KIAA1328: variants seen among roughly 807,000 people sequenced by gnomAD.
The protein encoded by KIAA1328 is protein hinderin.
KIAA1328 carries 52 observed loss-of-function variants against 68.1 expected under a neutral mutation model. The ratio of observed to expected loss-of-function variants is 0.76; its 90% CI spans 0.61 to 0.96. The LOEUF is 0.96. Among genes scored for constraint, KIAA1328 ranks in the 40% least tolerant of loss-of-function variants. The probability of loss-of-function intolerance (pLI) is 0.00; values close to 1 mark genes in which losing one functional copy is unlikely to be tolerated. For missense variants in KIAA1328, 641 were observed against 677.6 expected, an observed-to-expected ratio of 0.95 and a Z score of 0.60; for synonymous variants, 232 against 239.4, an observed-to-expected ratio of 0.97 and a Z score of 0.28.
chr18:37,103,450 T>C (rs1423886601), intron 7 of KIAA1328, among the ~76,000 whole-genome samples: 1 of 152,136 alleles, frequency 6.6e-6, no homozygotes, highest in Non-Finnish European at 1.5e-5. Flanking sequence ...TGGATATCCG[T>C]ATGCGTATGA....
chr18:37,052,871 A>T (rs2055755027), intron 6 of KIAA1328, among the ~76,000 whole-genome samples: 1 of 152,218 alleles, frequency 6.6e-6, no homozygotes, highest in South Asian at 2.1e-4. Context: ...AAAGCATCCC[A>T]TGCTCATTAA....
intron 7 of KIAA1328, among the ~76,000 whole-genome samples, chr18:37,080,779 GA>G (rs768469176): frequency 1.1e-3 from 147 of 131,116 alleles, no homozygotes; most frequent in Admixed American, 1.2e-3. Context: ...GACTCTGTCT[GA>G]AAAAAAAAAA....
At chr18:36,978,256 A>G (rs550918229) in intron 6 of KIAA1328, among the ~76,000 whole-genome samples, 1 of 152,250 alleles carries the variant, frequency 6.6e-6, no homozygotes, top group East Asian at 1.9e-4. Context: ...CTCACTGGAG[A>G]CTCAGAACCT....
intron 9 of KIAA1328, among the ~76,000 whole-genome samples, chr18:37,175,633 A>C (rs1244105481): frequency 1.3e-5 from 2 of 152,206 alleles, no homozygotes; most frequent in Non-Finnish European, 2.9e-5. Context: ...ATCAGTTACC[A>C]AGAAGGCATA....
intron 4 of KIAA1328, among the ~76,000 whole-genome samples, chr18:36,862,195 A>G (rs764397699): frequency 2.0e-5 from 3 of 152,006 alleles, no homozygotes; most frequent in African/African-American, 7.3e-5. Flanking sequence ...GAATCCATCA[A>G]TTGTGTACAG....
chr18:36,959,195 C>T, intron 5 of KIAA1328, 113 bp from the exon 6 acceptor site: 1 of 1,017,290 alleles, frequency 9.8e-7, no homozygotes, highest in Non-Finnish European at 1.4e-6. Flanking sequence ...TGACTCTCGC[C>T]AAATATGATT....
chr18:37,027,658 T>G (rs556044386), intron 6 of KIAA1328, among the ~76,000 whole-genome samples: 1 of 152,344 alleles, frequency 6.6e-6, no homozygotes, highest in East Asian at 1.9e-4. Context: ...GAAAACTGGC[T>G]AGCCATATGT....
intron 7 of KIAA1328, among the ~76,000 whole-genome samples, chr18:37,110,636 A>C (rs1392472074): frequency 6.6e-6 from 1 of 152,250 alleles, no homozygotes; most frequent in African/African-American, 2.4e-5. Context: ...ATGAACAAAC[A>C]AACACAAAAA....
intron 7 of KIAA1328, among the ~76,000 whole-genome samples, chr18:37,152,596 C>G (rs2059059977): frequency 6.6e-6 from 1 of 152,124 alleles, no homozygotes; most frequent in African/African-American, 2.4e-5. Context: ...ATTTTGTCTC[C>G]TGCAGTGTCC....
intron 8 of KIAA1328, among the ~76,000 whole-genome samples, chr18:37,167,388 G>A (rs935218312): frequency 1.3e-5 from 2 of 152,324 alleles, no homozygotes; most frequent in Admixed American, 1.3e-4. Context: ...TCACACGTGG[G>A]CTTGGAGAAT....
At chr18:36,938,017 A>T (rs192318524) in intron 5 of KIAA1328, among the ~76,000 whole-genome samples, 1 of 151,990 alleles carries the variant, frequency 6.6e-6, no homozygotes, top group South Asian at 2.1e-4. Context: ...ACTTAGGTTG[A>T]TTCTGTGTCT....
chr18:36,884,368 C>A (rs1179213333), intron 4 of KIAA1328, among the ~76,000 whole-genome samples: 1 of 151,950 alleles, frequency 6.6e-6, no homozygotes, highest in Non-Finnish European at 1.5e-5. Context: ...AATATATAGG[C>A]CAGGGAAAAT....
chr18:37,218,125 G>T (rs1183058306), intron 9 of KIAA1328, among the ~76,000 whole-genome samples: 9 of 152,182 alleles, frequency 5.9e-5, no homozygotes, highest in Non-Finnish European at 2.9e-5. Flanking sequence ...GAAGCAAATG[G>T]TTACAGAGAA....
chr18:37,220,496 G>A (rs2060537548), intron 9 of KIAA1328, among the ~76,000 whole-genome samples: 1 of 152,172 alleles, frequency 6.6e-6, no homozygotes, highest in African/African-American at 2.4e-5. Flanking sequence ...GCTTTCCAGT[G>A]TTGTAGCAGT....
chr18:37,189,445 G>C (rs2059863278), intron 9 of KIAA1328, among the ~76,000 whole-genome samples: 1 of 152,258 alleles, frequency 6.6e-6, no homozygotes, highest in East Asian at 1.9e-4. Context: ...CATATCAGAG[G>C]TTTAAGATGA....
At chr18:36,866,773 T>A (rs2047767098) in intron 4 of KIAA1328, among the ~76,000 whole-genome samples, 1 of 152,118 alleles carries the variant, frequency 6.6e-6, no homozygotes, top group Non-Finnish European at 1.5e-5. Flanking sequence ...TTTCAGAAAA[T>A]AATAGCTGTG....
chr18:37,030,096 G>T (rs1250516646), intron 6 of KIAA1328, among the ~76,000 whole-genome samples: 1 of 151,480 alleles, frequency 6.6e-6, no homozygotes, highest in African/African-American at 2.4e-5. Context: ...TCTATTTTCT[G>T]GATCAATTTC....
intron 5 of KIAA1328, among the ~76,000 whole-genome samples, chr18:36,894,845 A>G (rs1255033408): frequency 6.6e-6 from 1 of 152,046 alleles, no homozygotes; most frequent in African/African-American, 2.4e-5. Flanking sequence ...TTTTTATTAC[A>G]TCACTTGGCT....
intron 7 of KIAA1328, among the ~76,000 whole-genome samples, chr18:37,094,205 C>T (rs1041680700): frequency 6.6e-6 from 1 of 152,174 alleles, no homozygotes; most frequent in Non-Finnish European, 1.5e-5. Context: ...AGGCAGAGCT[C>T]AGGCAGTAAT....
Sources: allele counts gnomAD v4.1 joint callset (sites outside exome capture counted in the v4.1 genomes callset), GRCh38; gene constraint gnomAD v4.1.1; transcripts MANE v1.5; gene names NCBI Gene and HGNC (gene_info 2026-07-23, HGNC 2026-07-21).